The following EPB41 variants were observed in gnomAD, a reference collection of about 807,000 sequenced individuals.
EPB41 encodes protein 4.1.
Under a neutral mutation model 108.0 loss-of-function variants are expected in EPB41, and 65 were observed. The ratio of observed to expected loss-of-function variants is 0.60; its 90% CI spans 0.49 to 0.74. The LOEUF (loss-of-function observed/expected upper bound fraction) is 0.74. Ranked by LOEUF, EPB41 falls within the 30% of genes least tolerant of loss-of-function variation. The pLI is 0.00. For synonymous variants in EPB41, 336 were observed against 358.9 expected, an observed-to-expected ratio of 0.94 and a Z score of 0.72; for missense variants, 875 against 1,037.0, an observed-to-expected ratio of 0.84 and a Z score of 2.15.
At chr1:28,925,934 A>G (rs2093419786) in intron 1 of EPB41, among the ~76,000 whole-genome samples, 2 of 152,168 alleles carry the variant, frequency 1.3e-5, no homozygotes, top group Admixed American at 6.5e-5. Context: ...TCACAAAAAT[A>G]TAAAAGATGG....
chr1:29,035,114 T>C (rs1488936866), intron 9 of EPB41, among the ~76,000 whole-genome samples: 2 of 151,758 alleles, frequency 1.3e-5, no homozygotes, highest in Non-Finnish European at 2.9e-5. Flanking sequence ...CCTGAGTAGC[T>C]GGAATTACAG....
rs750558736 is a variant in EPB41 at position 29,097,885 on chromosome 1, G to A, written c.2263G>A (p.Val755Ile). Reference protein sequence around the residue: ...AVKSEIPTKDVPIVHTETKTI... With the variant: ...AVKSEIPTKDIPIVHTETKTI... ...GAAAAGTGAAATCCCAACCAAAGAC[G>A]TCCCTATTGTCCACACTGAGACCAA... is the stretch of plus-strand genomic sequence containing the variant. The change falls in exon 17 of 21, where the codon GTC becomes ATC. Residue 755 changes from valine (V) to isoleucine (I), a missense_variant. Around this residue, in one of 3 missense-constraint regions of EPB41, gnomAD observed 519 missense variants for 627.3 expected, o/e 0.83. Transcript: ENST00000343067. The A allele has an allele frequency of 8.1e-6, 13 of 1,613,968 alleles. No individual in the cohort carries two copies. The highest frequency in any genetic ancestry group is 3.3e-5 in the Admixed American group (2 of 60,016).
intron 7 of EPB41, among the ~76,000 whole-genome samples, chr1:29,026,349 T>C (rs2096718833): frequency 6.6e-6 from 1 of 152,198 alleles, no homozygotes; most frequent in Non-Finnish European, 1.5e-5. Context: ...GAGGCTTCAA[T>C]GTGAACTTGT....
intron 8 of EPB41, chr1:29,031,695 C>T (rs2096791076): frequency 6.6e-6 from 1 of 152,100 alleles, no homozygotes; most frequent in Admixed American, 6.6e-5. Flanking sequence ...TTGGGTAGGG[C>T]CCTGGAAACT....
At chr1:28,960,586 A>G (rs1156936656) in intron 1 of EPB41, among the ~76,000 whole-genome samples, 1 of 145,498 alleles carries the variant, frequency 6.9e-6, no homozygotes, top group Non-Finnish European at 1.5e-5. Flanking sequence ...AAAAAAACTT[A>G]AAAAAAAAAT....
intron 11 of EPB41, among the ~76,000 whole-genome samples, chr1:29,046,875 A>G (rs750288953): frequency 6.6e-6 from 1 of 152,034 alleles, no homozygotes. Flanking sequence ...AGTAAGTTCG[A>G]ATTGGTCGTA....
chr1:28,937,230 C>A (rs2094071258), intron 1 of EPB41, among the ~76,000 whole-genome samples: 1 of 152,114 alleles, frequency 6.6e-6, no homozygotes, highest in African/African-American at 2.4e-5. Flanking sequence ...AATGTCTGTT[C>A]AAGTACTTTG....
chr1:28,904,184 T>G (rs1180553900), intron 1 of EPB41, among the ~76,000 whole-genome samples: 1 of 151,502 alleles, frequency 6.6e-6, no homozygotes, highest in Non-Finnish European at 1.5e-5. Context: ...TTTTTTTTTT[T>G]TTTAAACTTT....
At chr1:29,065,711 C>T (rs568421806) in intron 16 of EPB41, 1 of 152,706 alleles carries the variant, frequency 6.5e-6, no homozygotes, top group South Asian at 2.1e-4. Flanking sequence ...CACCATGGCT[C>T]ATGCCTGTAA....
chr1:29,003,779 G>A (rs1210025535), intron 4 of EPB41, among the ~76,000 whole-genome samples: 3 of 152,104 alleles, frequency 2.0e-5, no homozygotes, highest in African/African-American at 7.2e-5. Flanking sequence ...GTGGAAAAGC[G>A]GTAAGAAGCA....
intron 17 of EPB41, among the ~76,000 whole-genome samples, chr1:29,099,092 AG>A (rs1316773805): frequency 2.7e-5 from 4 of 149,536 alleles, no homozygotes; most frequent in Non-Finnish European, 3.0e-5. Context: ...GCAGATCACG[AG>A]GTCAGGAGTT....
At chr1:29,030,190 A>G (rs1028506946) in intron 7 of EPB41, among the ~76,000 whole-genome samples, 2 of 152,148 alleles carry the variant, frequency 1.3e-5, no homozygotes, top group Non-Finnish European at 2.9e-5. Context: ...GTTTGCTCAC[A>G]TTGTCTTTTT....
intron 1 of EPB41, among the ~76,000 whole-genome samples, chr1:28,978,744 CT>C (rs2095664994): frequency 6.6e-6 from 1 of 151,418 alleles, no homozygotes; most frequent in Non-Finnish European, 1.5e-5. Flanking sequence ...AGACACGTGT[CT>C]CTGACAGCTG....
At position 28,977,036 on chromosome 1, in the gene EPB41, A is replaced by T. The variant is rs575528623; in HGVS notation, c.-7-10395A>T. Among the ~76,000 whole-genome samples the T allele has an allele frequency of 6.6e-5, 10 of 152,138 alleles. No homozygotes were observed. In the East Asian group the frequency reaches 1.9e-3, roughly 29 times the overall value. On this transcript the variant is annotated intron_variant, in intron 1 of 20. Coordinates refer to ENST00000343067, the MANE Select transcript of EPB41 (RefSeq NM_001376013.1). ...TGCAGCTAATTGTTGTATTTTTAGTACAGACAGAGTTTCACCATGTTGGCC... is the reference window on the plus strand; with the variant it reads ...TGCAGCTAATTGTTGTATTTTTAGTTCAGACAGAGTTTCACCATGTTGGCC...
intron 1 of EPB41, among the ~76,000 whole-genome samples, chr1:28,929,974 A>G (rs2093658060): frequency 1.3e-5 from 2 of 150,060 alleles, no homozygotes; most frequent in Non-Finnish European, 1.5e-5. Context: ...CATCATCTCA[A>G]TCTAATTTTT....
At chr1:28,925,867 G>C (rs1455353976) in intron 1 of EPB41, among the ~76,000 whole-genome samples, 1 of 152,078 alleles carries the variant, frequency 6.6e-6, no homozygotes, top group Non-Finnish European at 1.5e-5. Context: ...GCAGAGGAAT[G>C]GCACGATCCT....
At chr1:29,086,940 C>CTTTTTTTTTTTTTTTTTT (rs386366593) in intron 16 of EPB41, among the ~76,000 whole-genome samples, 2 of 98,564 alleles carry the variant, frequency 2.0e-5, no homozygotes, top group Non-Finnish European at 3.7e-5. Context: ...AACTGTGGTT[C>CTTTTTTTTTTTTTTTTTT]TTTTTTTTTT....
intron 1 of EPB41, among the ~76,000 whole-genome samples, chr1:28,960,720 T>C (rs1377133949): frequency 7.1e-6 from 1 of 140,952 alleles, no homozygotes; most frequent in East Asian, 2.2e-4. Context: ...ACAGAGATCC[T>C]GTCGCAAAAA....
At chr1:29,066,680 T>TC (rs1222844991) in intron 16 of EPB41, among the ~76,000 whole-genome samples, 12 of 152,150 alleles carry the variant, frequency 7.9e-5, no homozygotes, top group African/African-American at 2.2e-4. Flanking sequence ...ACTTTTTTTT[T>TC]CCCTTTCTTT....
Sources: allele counts gnomAD v4.1 joint callset (sites outside exome capture counted in the v4.1 genomes callset), GRCh38; gene constraint gnomAD v4.1.1; regional missense constraint gnomAD v4.1.1; transcripts MANE v1.5; gene names NCBI Gene and HGNC (gene_info 2026-07-23, HGNC 2026-07-21).